SORBS2: variants seen among roughly 807,000 people sequenced by gnomAD.
SORBS2 encodes sorbin and SH3 domain containing 2.
A neutral mutation model predicts 97.7 loss-of-function variants in SORBS2; 46 were observed. The ratio of observed to expected loss-of-function variants is 0.47; its 90% CI spans 0.37 to 0.60. SORBS2 has a LOEUF of 0.60. Ranked by LOEUF, SORBS2 falls within the 20% of genes least tolerant of loss-of-function variation. SORBS2 has a pLI of 0.00. For missense variants in SORBS2, 1,316 were observed against 1,282.3 expected (o/e 1.03, Z -0.40); for synonymous variants, 476 against 473.4 (o/e 1.01, Z -0.07).
chr4:185,887,785 GGA>G (rs1479749896), intron 1 of SORBS2, among the ~76,000 whole-genome samples: 1 of 151,988 alleles, frequency 6.6e-6, no homozygotes, highest in Non-Finnish European at 1.5e-5. Context: ...CATATCTTCT[GGA>G]GAGTTATTAA....
intron 4 of SORBS2, among the ~76,000 whole-genome samples, chr4:185,639,792 G>C (rs1309253133): frequency 6.6e-6 from 1 of 152,176 alleles, no homozygotes; most frequent in Non-Finnish European, 1.5e-5. Flanking sequence ...ATTCTAGGAG[G>C]ACTATTAAGT....
rs1035367911 is a variant in SORBS2 at position 185,606,845 on chromosome 4, G to T, written c.2796+4935C>A. The T allele has an allele frequency of 4.1e-6, 4 of 985,266 alleles. No individual in the cohort carries two copies. The African/African-American group carries it at 7.0e-5, about 17-fold the overall frequency. The allele number at this position is 985,266 out of a possible 1,614,324, so 61.0% of individuals were successfully genotyped here. On this transcript the variant is annotated intron_variant, in intron 12 of 14. Coordinates refer to ENST00000418609, the Ensembl canonical transcript of SORBS2. The surrounding 1 kb of genome is among the most constrained non-coding windows in gnomAD (Gnocchi z 4.3). Reference sequence around the variant, plus strand: ...TCTCCAATGACCGGAAGGGGTACAGGCAAGGAACCCACGCTGGTGCACGCA... The same window carrying T: ...TCTCCAATGACCGGAAGGGGTACAGTCAAGGAACCCACGCTGGTGCACGCA...
chr4:185,603,705 C>T (rs1244656633), intron 12 of SORBS2, among the ~76,000 whole-genome samples: 1 of 152,182 alleles, frequency 6.6e-6, no homozygotes, highest in Non-Finnish European at 1.5e-5. Context: ...GAAAACATTT[C>T]AGTGATGGAC....
intron 1 of SORBS2, among the ~76,000 whole-genome samples, chr4:185,828,136 A>C (rs2153672956): frequency 6.6e-6 from 1 of 152,308 alleles, no homozygotes; most frequent in South Asian, 2.1e-4. Context: ...CTTAGTTATC[A>C]TATCTGTAAG....
At chr4:185,638,312 A>C (rs977510144) in intron 4 of SORBS2, 150 bp from the exon 15 acceptor site, 2 of 632,688 alleles carry the variant, frequency 3.2e-6, no homozygotes, top group Non-Finnish European at 2.8e-6. Context: ...GAACGGAGGA[A>C]GTAAAGTAAA....
At chr4:185,823,886 A>G (rs1224124129) in intron 1 of SORBS2, among the ~76,000 whole-genome samples, 1 of 152,204 alleles carries the variant, frequency 6.6e-6, no homozygotes, top group Non-Finnish European at 1.5e-5. Context: ...CAAGCAGAGA[A>G]GCCCGCTGAT....
At chr4:185,659,219 G>T (rs958450099), upstream of SORBS2, among the ~76,000 whole-genome samples, 1 of 152,136 alleles carries the variant, frequency 6.6e-6, no homozygotes, top group East Asian at 1.9e-4. Context: ...TGCAGTTTAT[G>T]TGCTGGATGG....
At chr4:185,907,428 TGAG>T (rs1410965415) in intron 1 of SORBS2, among the ~76,000 whole-genome samples, 4 of 152,228 alleles carry the variant, frequency 2.6e-5, no homozygotes, top group Non-Finnish European at 4.4e-5. Context: ...TCGGTTCTCC[TGAG>T]GAGGTGTTAT....
intron 1 of SORBS2, among the ~76,000 whole-genome samples, chr4:185,779,296 C>T (rs1296921634): frequency 6.6e-6 from 1 of 152,194 alleles, no homozygotes; most frequent in Non-Finnish European, 1.5e-5. Context: ...CCTCGGTTTC[C>T]TCCTCTGTAA....
intron 2 of SORBS2, among the ~76,000 whole-genome samples, chr4:185,731,832 TTCTCTCTC>T (rs1201714307): frequency 0.012 from 415 of 33,260 alleles, 21 homozygotes; most frequent in African/African-American, 0.043. Context: ...GTCTCTCTCT[TTCTCTCTC>T]TCTCTCTCTC....
At chr4:185,868,135 CTCTTT>C (rs1026800289) in intron 1 of SORBS2, among the ~76,000 whole-genome samples, 8 of 132,344 alleles carry the variant, frequency 6.0e-5, no homozygotes, top group African/African-American at 2.0e-4. Flanking sequence ...ACTTTCCTTT[CTCTTT>C]TCTTTTCTTT....
intron 4 of SORBS2, among the ~76,000 whole-genome samples, chr4:185,643,672 A>C (rs906327998): frequency 9.2e-5 from 14 of 152,136 alleles, no homozygotes; most frequent in African/African-American, 3.4e-4. Context: ...GAGAGGGGAA[A>C]ACCCAAGATG....
intron 12 of SORBS2, among the ~76,000 whole-genome samples, chr4:185,610,657 T>A (rs922649167): frequency 2.0e-5 from 3 of 152,134 alleles, no homozygotes; most frequent in African/African-American, 7.2e-5. Flanking sequence ...TTTCAAGAAG[T>A]AGTTTAGGTC....
intron 2 of SORBS2, 85 bp downstream of exon 10, chr4:185,652,576 TG>T: frequency 9.7e-7 from 1 of 1,031,476 alleles, no homozygotes; most frequent in Non-Finnish European, 1.5e-6. Flanking sequence ...GTCTTGACAT[TG>T]TGTGTGAATC....
intron 1 of SORBS2, among the ~76,000 whole-genome samples, chr4:185,885,187 G>T (rs2099238780): frequency 6.6e-6 from 1 of 152,222 alleles, no homozygotes; most frequent in Non-Finnish European, 1.5e-5. Context: ...GAAGTAAGTG[G>T]TCTTTGTAGC....
intron 1 of SORBS2, among the ~76,000 whole-genome samples, chr4:185,829,036 T>G (rs544551397): frequency 3.9e-4 from 60 of 152,352 alleles, no homozygotes; most frequent in African/African-American, 1.4e-3. Flanking sequence ...GAACTGCGCT[T>G]TTTTTGAAAT....
chr4:185,820,512 G>A (rs768880349), intron 1 of SORBS2, among the ~76,000 whole-genome samples: 1 of 152,232 alleles, frequency 6.6e-6, no homozygotes, highest in Non-Finnish European at 1.5e-5. Context: ...GCCTTCAGAG[G>A]AGGGGCATGG....
At chr4:185,694,533 C>T (rs1301105935) in intron 2 of SORBS2, among the ~76,000 whole-genome samples, 1 of 152,072 alleles carries the variant, frequency 6.6e-6, no homozygotes, top group Non-Finnish European at 1.5e-5. Context: ...TAATTTGTGA[C>T]AACAATGGAT....
chr4:185,906,693 G>C (rs1236324189), intron 1 of SORBS2, among the ~76,000 whole-genome samples: 1 of 152,158 alleles, frequency 6.6e-6, no homozygotes, highest in Non-Finnish European at 1.5e-5. Context: ...ACGTATCTCG[G>C]ACTATATGCA....
Sources: gnomAD v4.1 joint callset for allele counts (sites outside exome capture counted in the v4.1 genomes callset) on GRCh38, gnomAD v4.1.1 for gene constraint, Gnocchi (gnomAD v3.1) non-coding constraint, MANE v1.5 for transcripts, NCBI Gene and HGNC (gene_info 2026-07-23, HGNC 2026-07-21) for gene names.